LRRIQ3: variants seen among roughly 807,000 people sequenced by gnomAD.
LRRIQ3 encodes leucine-rich repeat and IQ domain-containing protein 3.
LRRIQ3 carries 75 observed loss-of-function variants against 59.3 expected under a neutral mutation model. That is an observed-to-expected ratio of 1.26 (90% CI 1.05 to 1.53). LRRIQ3 has a LOEUF of 1.53. Among genes scored for constraint, LRRIQ3 ranks in the 40% most tolerant of loss-of-function variants. The pLI is 0.00. For missense variants in LRRIQ3, 831 were observed against 710.0 expected (o/e 1.17, Z -1.94); for synonymous variants, 250 against 231.3 (o/e 1.08, Z -0.73).
At chr1:74,121,664 T>C (rs1003981023) in intron 4 of LRRIQ3, among the ~76,000 whole-genome samples, 1 of 152,122 alleles carries the variant, frequency 6.6e-6, no homozygotes, top group Non-Finnish European at 1.5e-5. Context: ...ACATGTGCCA[T>C]GTTGGTGTGC....
At chr1:74,077,307 C>G (rs924625752) in intron 5 of LRRIQ3, among the ~76,000 whole-genome samples, 3 of 151,996 alleles carry the variant, frequency 2.0e-5, no homozygotes, top group African/African-American at 7.2e-5. Flanking sequence ...AAAATCACCT[C>G]AAATTGCATT....
At chr1:74,116,094 C>G (rs778181085) in intron 4 of LRRIQ3, among the ~76,000 whole-genome samples, 1 of 151,272 alleles carries the variant, frequency 6.6e-6, no homozygotes, top group Non-Finnish European at 1.5e-5. Context: ...AACAAAAAAC[C>G]CCACTACAGC....
At chr1:74,030,352 T>C (rs1001396839) in intron 7 of LRRIQ3, among the ~76,000 whole-genome samples, 2 of 152,116 alleles carry the variant, frequency 1.3e-5, no homozygotes, top group African/African-American at 4.8e-5. Flanking sequence ...GCTACCTGAC[T>C]TCAAACTATA....
At position 74,198,015 on chromosome 1, in the gene LRRIQ3, G is replaced by GC. The variant is rs1377197699; in HGVS notation, c.-21dup. On this transcript the variant is annotated 5_prime_UTR_variant, in exon 1 of 8. Coordinates refer to ENST00000354431, the MANE Select transcript of LRRIQ3 (RefSeq NM_001105659.2). ...ACTCACCGGGTCAACTGGGCTGCAA[G>GC]CCCTTATGAGTTGGAGACAAGTGGC... 1.6e-6 allele frequency: 1 copy of GC among 607,400 alleles called. No individual in the cohort carries two copies. The highest frequency in any genetic ancestry group is 1.9e-5 in the African/African-American group (1 of 54,002). 37.6% of individuals were successfully genotyped at this position (607,400 alleles called of 1,614,324 possible). A position where few individuals can be genotyped will look rare whatever the true frequency, so the allele number is the denominator to read the frequency against.
At chr1:74,178,402 A>G (rs1343503107) in intron 3 of LRRIQ3, among the ~76,000 whole-genome samples, 1 of 152,076 alleles carries the variant, frequency 6.6e-6, no homozygotes, top group East Asian at 1.9e-4. Flanking sequence ...GAAAGCAAAA[A>G]CACGTTAAAT....
chr1:74,186,309 A>G (rs1228424346), intron 1 of LRRIQ3, among the ~76,000 whole-genome samples: 1 of 152,006 alleles, frequency 6.6e-6, no homozygotes, highest in Non-Finnish European at 1.5e-5. Flanking sequence ...AATGCTATCT[A>G]TATGCCATTT....
intron 3 of LRRIQ3, among the ~76,000 whole-genome samples, chr1:74,168,113 G>T (rs182552930): frequency 3.4e-4 from 52 of 151,986 alleles, no homozygotes; most frequent in African/African-American, 1.0e-3. Flanking sequence ...TTAATAGGGT[G>T]CTCGTATTTT....
intron 4 of LRRIQ3, 44 bp downstream of exon 4, chr1:74,155,689 C>G: frequency 6.7e-7 from 1 of 1,498,198 alleles, no homozygotes; most frequent in South Asian, 1.3e-5. Flanking sequence ...TATTTCTTCA[C>G]CTTCTTATTT....
chr1:74,078,198 G>A (rs1185921632), intron 5 of LRRIQ3, among the ~76,000 whole-genome samples: 3 of 151,746 alleles, frequency 2.0e-5, no homozygotes, highest in Admixed American at 6.6e-5. Context: ...GATCAGAAAC[G>A]TTGAGTGACC....
chr1:74,088,327 C>T (rs932848149), intron 5 of LRRIQ3, among the ~76,000 whole-genome samples: 2 of 151,932 alleles, frequency 1.3e-5, no homozygotes, highest in Admixed American at 6.6e-5. Context: ...ACATAAAATG[C>T]TTACATTTTA....
chr1:74,164,129 G>C (rs1052685479), intron 3 of LRRIQ3, among the ~76,000 whole-genome samples: 6 of 151,444 alleles, frequency 4.0e-5, no homozygotes, highest in Non-Finnish European at 5.9e-5. Flanking sequence ...GTGTGTCTGT[G>C]TGTGTGTGTT....
intron 4 of LRRIQ3, among the ~76,000 whole-genome samples, chr1:74,126,106 T>C (rs1646932285): frequency 6.6e-6 from 1 of 151,824 alleles, no homozygotes; most frequent in Admixed American, 6.6e-5. Context: ...TAAGGATTTA[T>C]TCATTTTTTC....
In LRRIQ3 at chr1:74,026,946, T is replaced by C. The variant is rs555656590; in HGVS notation, c.1742A>G (p.His581Arg). Reference sequence around the variant, plus strand: ...ATCCATAACAAATTTTTCTTCACAATGTCTTTTATATATTTCTTGAGATCT... The same window carrying C: ...ATCCATAACAAATTTTTCTTCACAACGTCTTTTATATATTTCTTGAGATCT... ...KVRSQEIYKR[H>R]CEEKFVMDMI... Residue 581 changes from histidine to arginine, a missense_variant, in exon 8 of 8, where the codon CAT (histidine) becomes CGT (arginine). By Grantham distance (29) the His-to-Arg change is conservative (BLOSUM62 0). Coordinates refer to ENST00000354431, the MANE Select transcript of LRRIQ3 (RefSeq NM_001105659.2). 46 of 1,574,970 alleles carry C rather than the reference T, an allele frequency of 2.9e-5. No individual in the cohort carries two copies. The South Asian group carries it at 4.5e-4, about 16-fold the overall frequency.
intron 5 of LRRIQ3, among the ~76,000 whole-genome samples, chr1:74,104,931 T>A (rs1646588165): frequency 6.6e-6 from 1 of 151,956 alleles, no homozygotes; most frequent in South Asian, 2.1e-4. Context: ...CCCACTCAAC[T>A]TTGTTATGAA....
chr1:74,084,998 T>C (rs1646311506), intron 5 of LRRIQ3, among the ~76,000 whole-genome samples: 1 of 151,816 alleles, frequency 6.6e-6, no homozygotes, highest in Admixed American at 6.6e-5. Context: ...TTTATTTCTA[T>C]AGCTCATAAC....
chr1:74,083,787 T>C (rs1372951632), intron 5 of LRRIQ3: 1 of 160,990 alleles, frequency 6.2e-6, no homozygotes, highest in South Asian at 2.0e-4. Context: ...AAAAATTCAT[T>C]CTAAGTAAGT....
At chr1:74,153,007 T>C (rs1392206253) in intron 4 of LRRIQ3, among the ~76,000 whole-genome samples, 2 of 152,322 alleles carry the variant, frequency 1.3e-5, no homozygotes, top group East Asian at 3.9e-4. Context: ...AGCTCTGTTT[T>C]ATTAAATAAT....
chr1:74,189,382 G>A (rs1650610593), intron 1 of LRRIQ3, among the ~76,000 whole-genome samples: 1 of 152,116 alleles, frequency 6.6e-6, no homozygotes, highest in African/African-American at 2.4e-5. Context: ...TACAGAAAAA[G>A]GAAATGAAAT....
chr1:74,101,481 C>T (rs1436605713), intron 5 of LRRIQ3, among the ~76,000 whole-genome samples: 1 of 152,138 alleles, frequency 6.6e-6, no homozygotes, highest in Non-Finnish European at 1.5e-5. Flanking sequence ...CCAGTTCAAG[C>T]ATTGTGGAAG....
Sources: gnomAD v4.1 joint callset for allele counts (sites outside exome capture counted in the v4.1 genomes callset) on GRCh38, gnomAD v4.1.1 for gene constraint, MANE v1.5 for transcripts, NCBI Gene and HGNC (gene_info 2026-07-23, HGNC 2026-07-21) for gene names.